The following SETD2 variants were observed in gnomAD, a reference collection of about 807,000 sequenced individuals.
SETD2 encodes SET domain containing 2, histone lysine methyltransferase.
SETD2 carries 31 observed loss-of-function variants against 242.1 expected under a neutral mutation model. The observed-to-expected ratio is 0.13, with a 90% CI of 0.10 to 0.17. SETD2 has a LOEUF of 0.17. Ranked by LOEUF, SETD2 falls within the 10% of genes least tolerant of loss-of-function variation. SETD2 has a pLI of 1.00. For missense variants in SETD2, 2,481 were observed against 3,046.3 expected (o/e 0.81, Z 4.37); for synonymous variants, 1,006 against 1,066.5 (o/e 0.94, Z 1.11).
intron 15 of SETD2, among the ~76,000 whole-genome samples, chr3:47,050,747 T>TTTTTTTTTTC (rs2039795971): frequency 7.0e-6 from 1 of 143,060 alleles, no homozygotes; most frequent in Non-Finnish European, 1.5e-5. Context: ...TTTTTTTTTT[T>TTTTTTTTTTC]TGAGACAGAG....
chr3:47,154,445 T>C (rs1264611194), intron 1 of SETD2, among the ~76,000 whole-genome samples: 2 of 151,866 alleles, frequency 1.3e-5, no homozygotes, highest in East Asian at 3.9e-4. Flanking sequence ...GCATATCTTA[T>C]ATGTAAATGG....
chr3:47,143,112 G>T (rs1359770241), intron 1 of SETD2, among the ~76,000 whole-genome samples: 1 of 152,134 alleles, frequency 6.6e-6, no homozygotes, highest in East Asian at 1.9e-4. Flanking sequence ...GGGCAACATA[G>T]TGAGAGCCCA....
chr3:47,062,110 T>C, intron 14 of SETD2, 53 bp downstream of exon 14: 1 of 1,552,368 alleles, frequency 6.4e-7, no homozygotes, highest in Non-Finnish European at 8.8e-7. Flanking sequence ...TGGGTACTTT[T>C]TAACTTGCTC....
chr3:47,130,224 A>T (rs2106756070), intron 1 of SETD2, among the ~76,000 whole-genome samples: 1 of 152,300 alleles, frequency 6.6e-6, no homozygotes, highest in Admixed American at 6.5e-5. Flanking sequence ...TGACCTAAAG[A>T]TCCCTAGATA....
At chr3:47,103,675 A>T (rs1233252145) in intron 6 of SETD2, among the ~76,000 whole-genome samples, 1 of 152,184 alleles carries the variant, frequency 6.6e-6, no homozygotes, top group Non-Finnish European at 1.5e-5. Context: ...ACCCAATCAA[A>T]AAAAATTTAC....
intron 13 of SETD2, among the ~76,000 whole-genome samples, chr3:47,065,616 C>A (rs1206872706): frequency 6.6e-6 from 1 of 151,900 alleles, no homozygotes; most frequent in Non-Finnish European, 1.5e-5. Flanking sequence ...GGTAACATAG[C>A]GAGACTCTGT....
Position 47,112,753 on chromosome 3 carries a change from C to T in SETD2, c.4715+1123G>A, listed in dbSNP as rs191644221. On this transcript the variant is annotated intron_variant, in intron 5 of 20. Coordinates refer to ENST00000409792, the MANE Select transcript of SETD2 (RefSeq NM_014159.7). ...TATAGGCGTGCGCCACCACACCCAT[C>T]TAATTTTTGTATTTTTAGTAGAGAC... Among the ~76,000 whole-genome samples, 305 of 152,146 alleles carry T rather than the reference C, an allele frequency of 2.0e-3. 1 individual carries two copies. Among genetic ancestry groups the T allele is most frequent in the African/African-American group, 5.9e-3 (245 of 41,484 alleles).
At chr3:47,089,917 G>C (rs1559708487) in intron 9 of SETD2, among the ~76,000 whole-genome samples, 2 of 152,070 alleles carry the variant, frequency 1.3e-5, no homozygotes, top group Non-Finnish European at 2.9e-5. Flanking sequence ...AGCTCAAACA[G>C]GTAAGGCATG....
At chr3:47,098,607 C>T (rs1023027159) in intron 8 of SETD2, among the ~76,000 whole-genome samples, 1 of 152,018 alleles carries the variant, frequency 6.6e-6, no homozygotes, top group Non-Finnish European at 1.5e-5. Flanking sequence ...ACCAGCCTGG[C>T]CAACATGGTG....
intron 1 of SETD2, among the ~76,000 whole-genome samples, chr3:47,161,056 A>G (rs1317909250): frequency 6.6e-6 from 1 of 152,200 alleles, no homozygotes; most frequent in African/African-American, 2.4e-5. Context: ...CAATTTCTTC[A>G]TATGTCTAAG....
At chr3:47,094,238 A>C (rs2041919398) in intron 9 of SETD2, among the ~76,000 whole-genome samples, 1 of 152,208 alleles carries the variant, frequency 6.6e-6, no homozygotes, top group Non-Finnish European at 1.5e-5. Flanking sequence ...GACATATTAT[A>C]CTTCCATCAA....
intron 1 of SETD2, among the ~76,000 whole-genome samples, chr3:47,140,849 C>T (rs2043711156): frequency 1.3e-5 from 2 of 151,836 alleles, no homozygotes; most frequent in South Asian, 2.1e-4. Context: ...GGTGACACAG[C>T]GAGACTCTGT....
In SETD2 at chr3:47,124,514, A is replaced by G. The variant is rs2106729674; in HGVS notation, c.122T>C (p.Ile41Thr). 1.3e-6 allele frequency: 2 copies of G among 1,548,328 alleles called. No individual in the cohort carries two copies. The highest frequency in any genetic ancestry group is 1.4e-5 in the African/African-American group (1 of 73,010). Residue 41 changes from isoleucine to threonine, a missense_variant, in exon 3 of 21, where the codon ATC becomes ACC. Physicochemically the swap from Ile to Thr is moderately conservative, Grantham distance 89. Transcript: ENST00000409792. ...AACACCTTTGAACATTGGTCCTTTG[A>G]TGAAACCTGTTTTCTGCACATTTTC... ...KIENVQKTGF[I>T]KGPMFKGVAS...
At chr3:47,055,053 T>C (rs891909621) in intron 15 of SETD2, among the ~76,000 whole-genome samples, 5 of 152,164 alleles carry the variant, frequency 3.3e-5, no homozygotes, top group African/African-American at 1.2e-4. Flanking sequence ...TAAAAAAAAA[T>C]CATTTTAAGT....
At chr3:47,025,636 T>C (rs1472449147) in intron 18 of SETD2, among the ~76,000 whole-genome samples, 1 of 152,216 alleles carries the variant, frequency 6.6e-6, no homozygotes, top group East Asian at 1.9e-4. Context: ...CTCCTATATA[T>C]ACTGGCTTGT....
At chr3:47,071,887 A>G (rs1420226426) in intron 12 of SETD2, among the ~76,000 whole-genome samples, 1 of 152,106 alleles carries the variant, frequency 6.6e-6, no homozygotes, top group Non-Finnish European at 1.5e-5. Flanking sequence ...TCCCAAATAA[A>G]CTCTAAAAAT....
intron 1 of SETD2, among the ~76,000 whole-genome samples, chr3:47,137,280 C>T (rs758815850): frequency 6.6e-6 from 1 of 152,048 alleles, no homozygotes; most frequent in African/African-American, 2.4e-5. Context: ...GCAAACTCCA[C>T]TTCCTGGGTT....
At position 47,067,052 on chromosome 3, in the gene SETD2, G is replaced by A. The variant is rs921626352; in HGVS notation, c.6109+18C>T. 1.3e-6 allele frequency: 2 copies of A among 1,583,840 alleles called. No individual in the cohort carries two copies. The highest frequency in any genetic ancestry group is 2.2e-5 in the South Asian group (2 of 90,414). On this transcript the variant is annotated intron_variant, in intron 13 of 20. Transcript: ENST00000409792. ...ATATTTGTAAAGCCATCAACACAGA[G>A]TATCTCTGAATACCTACTTGTGTTT...
chr3:47,106,585 G>A (rs1445794569), intron 5 of SETD2, among the ~76,000 whole-genome samples: 1 of 149,308 alleles, frequency 6.7e-6, no homozygotes, highest in Non-Finnish European at 1.5e-5. Flanking sequence ...GTAGAGGCGG[G>A]TGGATCACCT....
Sources: allele counts gnomAD v4.1 joint callset (sites outside exome capture counted in the v4.1 genomes callset), GRCh38; gene constraint gnomAD v4.1.1; transcripts MANE v1.5; gene names NCBI Gene and HGNC (gene_info 2026-07-23, HGNC 2026-07-21).